The following ARHGEF9 variants were observed in gnomAD, a reference collection of about 807,000 sequenced individuals.
ARHGEF9 encodes rho guanine nucleotide exchange factor 9.
ARHGEF9 carries 2 observed loss-of-function variants against 41.3 expected under a neutral mutation model. That is an observed-to-expected ratio of 0.05 (90% CI 0.02 to 0.15). The LOEUF is 0.15. Among genes scored for constraint, ARHGEF9 ranks in the 10% least tolerant of loss-of-function variants. ARHGEF9 has a pLI of 1.00. For missense variants in ARHGEF9, 225 were observed against 424.7 expected (o/e 0.53, Z 4.13); for synonymous variants, 160 against 154.4 (o/e 1.04, Z -0.27).
At chrX:63,784,853 A>C (rs1415186447) in intron 1 of ARHGEF9, among the ~76,000 whole-genome samples, 1 of 111,121 alleles carries the variant, frequency 9.0e-6, no homozygotes, top group Non-Finnish European at 1.9e-5. Flanking sequence ...TGGGCACATA[A>C]TCTGGCCCCC....
At position 63,665,736 on chromosome X, in the gene ARHGEF9, G is replaced by A. The variant is rs782402863; in HGVS notation, c.1077+150C>T. The A allele has an allele frequency of 6.6e-5, 49 of 740,459 alleles. No individual in the cohort carries two copies. In the South Asian group the frequency reaches 1.2e-3, roughly 18 times the overall value. The allele number at this position is 740,459 out of a possible 1,213,427, so 61.0% of individuals were successfully genotyped here. A position where few individuals can be genotyped will look rare whatever the true frequency, so the allele number is the denominator to read the frequency against. On this transcript the variant is annotated intron_variant, in intron 7 of 9. Transcript: ENST00000671741. ...CCTGTGACATTCATGCCACATTAGT[G>A]TTCCTGATACAGAATTGCTGCCAAT...
intron 1 of ARHGEF9, among the ~76,000 whole-genome samples, chrX:63,775,932 C>A (rs1252755478): frequency 5.4e-5 from 6 of 111,393 alleles, no homozygotes; most frequent in Non-Finnish European, 1.1e-4. Context: ...CACGTTCTTG[C>A]TCCCCTATTT....
chrX:63,730,062 G>A (rs2054190675), intron 1 of ARHGEF9, among the ~76,000 whole-genome samples: 1 of 111,618 alleles, frequency 9.0e-6, no homozygotes, highest in Non-Finnish European at 1.9e-5. Context: ...GGGAGTCTGA[G>A]ATCTAAGGCT....
intron 1 of ARHGEF9, among the ~76,000 whole-genome samples, chrX:63,756,073 G>A (rs2055920049): frequency 9.0e-6 from 1 of 111,533 alleles, no homozygotes; most frequent in Non-Finnish European, 1.9e-5. Flanking sequence ...TTTACTCTCA[G>A]CCCTACCTCA....
chrX:63,757,879 TACAACAACA>T, intron 1 of ARHGEF9, among the ~76,000 whole-genome samples: 1 of 112,352 alleles, frequency 8.9e-6, no homozygotes, highest in South Asian at 3.6e-4. Flanking sequence ...CCAAAAAAAC[TACAACAACA>T]ATAAACTGGC....
chrX:63,717,698 G>A (rs1361918902), intron 2 of ARHGEF9, among the ~76,000 whole-genome samples: 2 of 111,826 alleles, frequency 1.8e-5, no homozygotes, highest in African/African-American at 6.5e-5. Flanking sequence ...TTTGCTGCAA[G>A]TATTACCAGT....
chrX:63,775,475 C>A (rs1282574444), intron 1 of ARHGEF9, among the ~76,000 whole-genome samples: 3 of 112,392 alleles, frequency 2.7e-5, no homozygotes, highest in Non-Finnish European at 5.6e-5. Context: ...TACATATACA[C>A]CATGGAATAC....
intron 2 of ARHGEF9, among the ~76,000 whole-genome samples, chrX:63,715,166 AATT>A (rs1452988971): frequency 1.8e-5 from 2 of 112,131 alleles, no homozygotes; most frequent in African/African-American, 6.5e-5. Context: ...GTTTTCATGG[AATT>A]ATCCTGCTTA....
intron 1 of ARHGEF9, chrX:63,737,265 G>A (rs1556423688): frequency 1.8e-5 from 2 of 112,644 alleles, no homozygotes; most frequent in Non-Finnish European, 3.7e-5. Flanking sequence ...AAACTGGGAT[G>A]GGAAGAATGA....
chrX:63,713,886 C>G (rs1455610914), intron 2 of ARHGEF9, among the ~76,000 whole-genome samples: 1 of 111,098 alleles, frequency 9.0e-6, no homozygotes, highest in East Asian at 2.8e-4. Flanking sequence ...CTCCTCTACC[C>G]CTCAAGGGAA....
At chrX:63,646,604 C>T (rs1217615578) in intron 8 of ARHGEF9, among the ~76,000 whole-genome samples, 5 of 111,849 alleles carry the variant, frequency 4.5e-5, no homozygotes, top group Non-Finnish European at 9.4e-5. Context: ...TGTTTTGGTA[C>T]CACTATCATG....
intron 8 of ARHGEF9, chrX:63,644,327 A>C (rs1602181083): frequency 1.0e-5 from 2 of 198,487 alleles, no homozygotes; most frequent in East Asian, 1.8e-4. Context: ...CTGTTAATGG[A>C]GAATCGTTAA....
At chrX:63,706,498 G>T (rs1556402366) in intron 2 of ARHGEF9, 49 bp from the exon 3 acceptor site, 5 of 1,143,134 alleles carry the variant, frequency 4.4e-6, no homozygotes, top group Non-Finnish European at 4.7e-6. Flanking sequence ...CCTTCTTTGG[G>T]AGGTTTCCAG....
At chrX:63,703,122 C>T (rs1556397594) in intron 3 of ARHGEF9, 1 of 112,230 alleles carries the variant, frequency 8.9e-6, no homozygotes, top group Non-Finnish European at 1.9e-5. Flanking sequence ...CTTTGATGCC[C>T]GTGATTATAG....
At chrX:63,716,328 G>A (rs1319777964) in intron 2 of ARHGEF9, among the ~76,000 whole-genome samples, 32 of 110,697 alleles carry the variant, frequency 2.9e-4, no homozygotes, top group African/African-American at 9.2e-4. Flanking sequence ...ATGGAGAATG[G>A]GCTAGAAAAG....
At chrX:63,714,350 T>C (rs1556408807) in intron 2 of ARHGEF9, among the ~76,000 whole-genome samples, 4 of 112,582 alleles carry the variant, frequency 3.6e-5, no homozygotes, top group Non-Finnish European at 7.5e-5. Flanking sequence ...CGAACTCTCT[T>C]ACTTGGACTT....
chrX:63,710,672 G>A (rs1312875985), intron 2 of ARHGEF9, among the ~76,000 whole-genome samples: 2 of 110,384 alleles, frequency 1.8e-5, no homozygotes, highest in African/African-American at 6.6e-5. Flanking sequence ...AGAAATAGAA[G>A]GGAACTTTTC....
intron 1 of ARHGEF9, among the ~76,000 whole-genome samples, chrX:63,733,189 C>CT (rs1479129311): frequency 8.9e-6 from 1 of 112,423 alleles, no homozygotes; most frequent in East Asian, 2.8e-4. Flanking sequence ...CAAGCAAACT[C>CT]TGAGGCAGAA....
In ARHGEF9 at chrX:63,637,816, C is replaced by A. The variant is rs782101561; in HGVS notation, c.*212G>T. The A allele has an allele frequency of 4.8e-4, 150 of 313,909 alleles. 1 individual carries two copies. The highest frequency in any genetic ancestry group is 4.0e-3 in the African/African-American group (144 of 35,892). 25.9% of individuals were successfully genotyped at this position (313,909 alleles called of 1,213,427 possible). On this transcript the variant is annotated 3_prime_UTR_variant, in exon 10 of 10. Transcript: ENST00000671741. ...AACCACATATTTCACTTCCCCAAAA[C>A]AACAGAAAACACTTTTGTTCCTTAT... is the stretch of plus-strand genomic sequence containing the variant.
Sources: gnomAD v4.1 joint callset for allele counts (sites outside exome capture counted in the v4.1 genomes callset) on GRCh38, gnomAD v4.1.1 for gene constraint, MANE v1.5 for transcripts, NCBI Gene and HGNC (gene_info 2026-07-23, HGNC 2026-07-21) for gene names.